The following ATXN7 variants were observed in gnomAD, a reference collection of about 807,000 sequenced individuals.
The protein encoded by ATXN7 is ataxin 7, also known as ataxin-7.
ATXN7 carries 12 observed loss-of-function variants against 70.5 expected under a neutral mutation model. That is an observed-to-expected ratio of 0.17 (90% confidence interval 0.11 to 0.28). ATXN7 has a LOEUF of 0.28. ATXN7 is among the 10% of genes least tolerant of loss of function. ATXN7 has a pLI of 1.00. For synonymous variants in ATXN7, 498 were observed against 448.7 expected (o/e 1.11, Z -1.39); for missense variants, 1,256 against 1,131.7 (o/e 1.11, Z -1.58).
intron 1 of ATXN7, among the ~76,000 whole-genome samples, chr3:63,876,106 T>C (rs771003848): frequency 9.2e-5 from 14 of 152,236 alleles, no homozygotes; most frequent in Non-Finnish European, 1.8e-4. Context: ...TTAGTTTGTT[T>C]GTTTTTTGTC....
At chr3:63,990,035 A>G in intron 9 of ATXN7, 141 bp from the exon 10 acceptor site, 1 of 717,362 alleles carries the variant, frequency 1.4e-6, no homozygotes, top group South Asian at 1.9e-5. Context: ...AGCCACCTGG[A>G]TCAGCATCTG....
intron 1 of ATXN7, among the ~76,000 whole-genome samples, chr3:63,884,655 AT>A (rs968585665): frequency 6.8e-6 from 1 of 147,090 alleles, no homozygotes; most frequent in Non-Finnish European, 1.5e-5. Flanking sequence ...TTTCTTTCTT[AT>A]TTTTTTGGGG....
At chr3:63,937,399 G>T (rs2107354458) in intron 4 of ATXN7, among the ~76,000 whole-genome samples, 1 of 152,256 alleles carries the variant, frequency 6.6e-6, no homozygotes, top group East Asian at 1.9e-4. Context: ...AATGGTTTAT[G>T]CCTCAAATGA....
chr3:63,918,084 G>C (rs1243479663), intron 4 of ATXN7, among the ~76,000 whole-genome samples: 1 of 152,142 alleles, frequency 6.6e-6, no homozygotes, highest in Non-Finnish European at 1.5e-5. Flanking sequence ...CTTGATGACA[G>C]GTTATTTCCT....
chr3:63,931,408 C>T (rs994878673), intron 4 of ATXN7, among the ~76,000 whole-genome samples: 1 of 151,954 alleles, frequency 6.6e-6, no homozygotes, highest in Admixed American at 6.5e-5. Context: ...CTGTGAATAC[C>T]CATGTGTGGA....
At chr3:63,999,195 G>A (rs890576306) in intron 12 of ATXN7, 3 of 428,646 alleles carry the variant, frequency 7.0e-6, no homozygotes, top group Non-Finnish European at 1.3e-5. Context: ...TTTTCTCTAA[G>A]TTAGAAACCC....
At chr3:63,897,689 C>A (rs1462140670) in intron 1 of ATXN7, among the ~76,000 whole-genome samples, 19 of 152,114 alleles carry the variant, frequency 1.2e-4, no homozygotes, top group Non-Finnish European at 2.8e-4. Context: ...CAACATCTGC[C>A]CGATAGCTGT....
intron 4 of ATXN7, among the ~76,000 whole-genome samples, chr3:63,921,541 G>A (rs1277560632): frequency 1.3e-5 from 2 of 152,218 alleles, no homozygotes; most frequent in Non-Finnish European, 2.9e-5. Context: ...TTTGGTGTTT[G>A]AGTACCATAG....
Position 63,999,350 on chromosome 3 carries a change from C to CG in ATXN7, c.2662-99dup, listed in dbSNP as rs761731162. On this transcript the variant is annotated intron_variant, in intron 12 of 12. Transcript: ENST00000674280. The stretch of plus-strand genomic sequence containing the variant: ...ACTCAGTCAATGGAGACTTTAGTAG[C>CG]GTGCAGCCTTTGGAATATTCTTGTT... The CG allele has an allele frequency of 8.2e-4, 798 of 973,394 alleles. 15 individuals carry two copies. The highest frequency in any genetic ancestry group is 6.5e-3 in the South Asian group (465 of 71,488). The allele number at this position is 973,394 out of a possible 1,614,324, so 60.3% of individuals were successfully genotyped here. A position where few individuals can be genotyped will look rare whatever the true frequency, so the allele number is the denominator to read the frequency against.
chr3:63,913,016 CT>C, intron 3 of ATXN7, 93 bp downstream of exon 3: 13 of 1,433,142 alleles, frequency 9.1e-6, no homozygotes, highest in Non-Finnish European at 1.2e-5. Context: ...GACCCGCCCC[CT>C]CGAGGGGCAG....
intron 4 of ATXN7, among the ~76,000 whole-genome samples, chr3:63,931,547 G>A (rs921166812): frequency 6.6e-6 from 1 of 152,168 alleles, no homozygotes; most frequent in African/African-American, 2.4e-5. Flanking sequence ...CCTGGCTAAT[G>A]AGGCCGCTAC....
At chr3:63,865,632 C>A (rs1187641529) in intron 1 of ATXN7, among the ~76,000 whole-genome samples, 1 of 152,048 alleles carries the variant, frequency 6.6e-6, no homozygotes, top group Non-Finnish European at 1.5e-5. Flanking sequence ...TGGCTCACGC[C>A]TGTAATCCCA....
At position 64,002,601 on chromosome 3, in the gene ATXN7, T is replaced by C. The variant is rs1210626832; in HGVS notation, c.*3134T>C. 1.3e-5 allele frequency: 2 copies of C among 152,174 alleles called. No homozygotes were observed. The highest frequency in any genetic ancestry group is 3.8e-4 in the East Asian group (2 of 5,200). The allele number at this position is 152,174 out of a possible 1,614,324, so 9.4% of individuals were successfully genotyped here. On this transcript the variant is annotated 3_prime_UTR_variant, in exon 13 of 13. Coordinates refer to ENST00000674280, the MANE Select transcript of ATXN7 (RefSeq NM_001377405.1). ...AAAAACTGAAAGTGCCTGAAACTAG[T>C]TTTAAGCTTAGACAGAATCTCTTTA...
intron 1 of ATXN7, among the ~76,000 whole-genome samples, chr3:63,877,031 T>C (rs762828028): frequency 6.6e-6 from 1 of 152,232 alleles, no homozygotes; most frequent in Non-Finnish European, 1.5e-5. Flanking sequence ...AAATTCAATT[T>C]AGCATTCTTG....
chr3:63,870,745 C>G (rs1381074057), intron 1 of ATXN7, among the ~76,000 whole-genome samples: 2 of 152,144 alleles, frequency 1.3e-5, no homozygotes, highest in African/African-American at 4.8e-5. Flanking sequence ...GTAATTAATA[C>G]TGGCCTCTCA....
chr3:63,981,504 T>G (rs2075486829), intron 6 of ATXN7, among the ~76,000 whole-genome samples: 1 of 152,208 alleles, frequency 6.6e-6, no homozygotes, highest in Non-Finnish European at 1.5e-5. Flanking sequence ...TATTTTCAGT[T>G]TTACCAAGCA....
intron 2 of ATXN7, among the ~76,000 whole-genome samples, chr3:63,911,204 T>C (rs1303039801): frequency 3.3e-5 from 5 of 152,186 alleles, no homozygotes; most frequent in Non-Finnish European, 7.3e-5. Flanking sequence ...TTCACATCAA[T>C]TTGAGAAAAT....
chr3:63,931,949 G>T (rs901837692), intron 4 of ATXN7, among the ~76,000 whole-genome samples: 4 of 152,178 alleles, frequency 2.6e-5, no homozygotes, highest in Non-Finnish European at 5.9e-5. Flanking sequence ...TTTGAGCAAT[G>T]GGAGGTCCTT....
intron 2 of ATXN7, among the ~76,000 whole-genome samples, chr3:63,903,355 C>T (rs1230531770): frequency 6.8e-6 from 1 of 146,292 alleles, no homozygotes; most frequent in Non-Finnish European, 1.5e-5. Context: ...CCACTGCACT[C>T]CAGCCTGGGC....
Sources: allele counts gnomAD v4.1 joint callset (sites outside exome capture counted in the v4.1 genomes callset), GRCh38; gene constraint gnomAD v4.1.1; transcripts MANE v1.5; gene names NCBI Gene and HGNC (gene_info 2026-07-23, HGNC 2026-07-21).